PSMB2: variants seen among roughly 807,000 people sequenced by gnomAD.
PSMB2 encodes the protein proteasome 20S subunit beta 2, also known as proteasome subunit beta type-2.
A neutral mutation model predicts 25.7 loss-of-function variants in PSMB2; 13 were observed. That is an observed-to-expected ratio of 0.51 (90% confidence interval 0.33 to 0.80). The LOEUF (loss-of-function observed/expected upper bound fraction) is 0.80. Ranked by LOEUF, PSMB2 falls within the 30% of genes least tolerant of loss-of-function variation. The probability of loss-of-function intolerance (pLI) is 0.02; values close to 1 mark genes in which losing one functional copy is unlikely to be tolerated. For missense variants in PSMB2, 202 were observed against 259.0 expected (o/e 0.78, Z 1.51); for synonymous variants, 87 against 96.2 (o/e 0.90, Z 0.56).
intron 3 of PSMB2, among the ~76,000 whole-genome samples, chr1:35,628,624 TA>T (rs1557456597): frequency 2.0e-4 from 10 of 50,642 alleles, no homozygotes; most frequent in African/African-American, 8.2e-4. Context: ...TATATATATA[TA>T]TATATATTTT....
rs183515010 is a variant in PSMB2 at position 35,609,997 on chromosome 1, C to T, written c.286-589G>A. On this transcript the variant is annotated intron_variant, in intron 3 of 5. Transcript: ENST00000373237. ...AAGCATAGGTGCTCTTTTGTCATTC[C>T]TAATTGTTGAAACCAACGAACAATT... Among the ~76,000 whole-genome samples, 430 of 152,314 alleles carry T rather than the reference C, an allele frequency of 2.8e-3. 1 individual carries two copies. Among genetic ancestry groups the T allele is most frequent in the Non-Finnish European group, 4.8e-3 (326 of 68,026 alleles).
At position 35,621,130 on chromosome 1, in the gene PSMB2, T is replaced by C. The variant is rs557197092; in HGVS notation, c.285+10144A>G. On this transcript the variant is annotated intron_variant, in intron 3 of 5. Transcript: ENST00000373237. The stretch of plus-strand genomic sequence containing the variant: ...GTATTTATCCCTGCCTTGACTACTG[T>C]TAACAAATCACTGTGCCTAACCTAA... Among the ~76,000 whole-genome samples, 18 of 152,300 alleles carry C rather than the reference T, an allele frequency of 1.2e-4. No individual in the cohort carries two copies. In the South Asian group the frequency reaches 3.3e-3, roughly 28 times the overall value.
chr1:35,637,294 C>T (rs138783751), intron 1 of PSMB2, among the ~76,000 whole-genome samples: 2,793 of 152,270 alleles, frequency 0.018, 98 homozygotes, highest in African/African-American at 0.063. Flanking sequence ...ACAAATTCCA[C>T]TTCCAAAGAA....
rs756399741 is a variant in PSMB2, at chr1:35,601,787, G to T, written c.*1480C>A. 4 of 985,272 alleles carry T rather than the reference G, an allele frequency of 4.1e-6. No individual in the cohort carries two copies. In the East Asian group the frequency reaches 3.4e-4, roughly 84 times the overall value. The allele number at this position is 985,272 out of a possible 1,614,324, so 61.0% of individuals were successfully genotyped here. On this transcript the variant is annotated 3_prime_UTR_variant, in exon 6 of 6. Transcript: ENST00000373237. The stretch of plus-strand genomic sequence containing the variant: ...AGACCAGCAGCATCAGTAGCAACTG[G>T]AAATGTGAGATGAACATTCTGAAAC...
chr1:35,641,025 C>G (rs1159231443), intron 1 of PSMB2, among the ~76,000 whole-genome samples: 1 of 151,214 alleles, frequency 6.6e-6, no homozygotes. Flanking sequence ...ATCCACATCT[C>G]TACTAATAAT....
intron 3 of PSMB2, among the ~76,000 whole-genome samples, chr1:35,630,194 AT>A (rs201888013): frequency 2.0e-5 from 3 of 152,190 alleles, no homozygotes; most frequent in African/African-American, 7.2e-5. Flanking sequence ...AAAAATAAAA[AT>A]AATCTGAATT....
intron 3 of PSMB2, among the ~76,000 whole-genome samples, chr1:35,624,944 C>A (rs1443924652): frequency 2.0e-5 from 3 of 151,930 alleles, no homozygotes; most frequent in African/African-American, 7.3e-5. Context: ...GCCTGTAGTC[C>A]CAGCTATTCG....
chr1:35,604,469 G>C (rs893531082), intron 5 of PSMB2, among the ~76,000 whole-genome samples: 4 of 152,266 alleles, frequency 2.6e-5, no homozygotes, highest in African/African-American at 9.6e-5. Flanking sequence ...GGTGGCACAA[G>C]AACAGAGCAG....
chr1:35,618,690 G>A (rs1311272624), intron 3 of PSMB2, among the ~76,000 whole-genome samples: 1 of 152,126 alleles, frequency 6.6e-6, no homozygotes, highest in Non-Finnish European at 1.5e-5. Context: ...GAGAACCCAG[G>A]GCCGGTTAGG....
chr1:35,618,084 C>T (rs190125086), intron 3 of PSMB2, among the ~76,000 whole-genome samples: 39 of 152,050 alleles, frequency 2.6e-4, no homozygotes, highest in Admixed American at 2.2e-3. Context: ...AGAGGAAGGG[C>T]GGATGGTTAG....
chr1:35,615,840 A>G (rs1460040017), intron 3 of PSMB2, among the ~76,000 whole-genome samples: 1 of 152,236 alleles, frequency 6.6e-6, no homozygotes, highest in Admixed American at 6.5e-5. Flanking sequence ...GTGTGAGGTC[A>G]GTAATTTGGA....
chr1:35,600,495 T>C lies in PSMB2; in HGVS notation c.*2772A>G. 1.0e-6 allele frequency: 1 copy of C among 978,114 alleles called. No individual in the cohort carries two copies. Among genetic ancestry groups the C allele is most frequent in the Non-Finnish European group, 1.2e-6 (1 of 823,302 alleles). The allele number at this position is 978,114 out of a possible 1,614,324, so 60.6% of individuals were successfully genotyped here. On this transcript the variant is annotated 3_prime_UTR_variant, in exon 6 of 6. Transcript: ENST00000373237. ...AACTTTTCTGTAAAACCAAATTTAT[T>C]CCAAAATAAAACATTTATTAAAAAT...
intron 3 of PSMB2, among the ~76,000 whole-genome samples, chr1:35,626,554 C>T (rs1242344101): frequency 2.0e-5 from 3 of 152,066 alleles, no homozygotes; most frequent in Non-Finnish European, 4.4e-5. Context: ...TTCATGTTTC[C>T]CTAAATGCAC....
At chr1:35,634,568 G>C (rs949343123) in intron 2 of PSMB2, among the ~76,000 whole-genome samples, 2 of 152,026 alleles carry the variant, frequency 1.3e-5, no homozygotes, top group African/African-American at 4.8e-5. Context: ...TATAGAGCCA[G>C]GGTCTTGCTT....
At chr1:35,621,853 A>G (rs1650694065) in intron 3 of PSMB2, among the ~76,000 whole-genome samples, 2 of 152,044 alleles carry the variant, frequency 1.3e-5, no homozygotes, top group South Asian at 4.2e-4. Flanking sequence ...AAAATTAGCT[A>G]GGTATGGTGG....
chr1:35,629,638 G>C (rs1367556295), intron 3 of PSMB2, among the ~76,000 whole-genome samples: 1 of 151,582 alleles, frequency 6.6e-6, no homozygotes, highest in African/African-American at 2.4e-5. Context: ...GTGAAATCCT[G>C]CCTCCACTAA....
intron 1 of PSMB2, among the ~76,000 whole-genome samples, chr1:35,640,866 G>C (rs1426907235): frequency 6.6e-6 from 1 of 152,198 alleles, no homozygotes; most frequent in Non-Finnish European, 1.5e-5. Context: ...GGCCAGAGCA[G>C]AGCACTGACC....
At chr1:35,636,867 C>T (rs1228031954) in intron 1 of PSMB2, among the ~76,000 whole-genome samples, 1 of 152,132 alleles carries the variant, frequency 6.6e-6, no homozygotes, top group African/African-American at 2.4e-5. Context: ...CAAGGGACGA[C>T]TGTATATTGA....
At position 35,603,081 on chromosome 1, in the gene PSMB2, T is replaced by C. The variant is rs1571118369; in HGVS notation, c.*186A>G. ...GTCAGACCTGGCAAAAAGATCATCT[T>C]CCCTCCATATCCTTTCTGAGGTAAT... On this transcript the variant is annotated 3_prime_UTR_variant, in exon 6 of 6. Transcript: ENST00000373237. 1.5e-6 allele frequency: 2 copies of C among 1,362,790 alleles called. No individual in the cohort carries two copies. The highest frequency in any genetic ancestry group is 1.9e-6 in the Non-Finnish European group (2 of 1,058,914). 84.4% of individuals were successfully genotyped at this position (1,362,790 alleles called of 1,614,324 possible).
Sources: allele counts gnomAD v4.1 joint callset (sites outside exome capture counted in the v4.1 genomes callset), GRCh38; gene constraint gnomAD v4.1.1; transcripts MANE v1.5; gene names NCBI Gene and HGNC (gene_info 2026-07-23, HGNC 2026-07-21).